The following LYPLAL1 variants were observed in gnomAD, a reference collection of about 807,000 sequenced individuals.
The protein encoded by LYPLAL1 is lysophospholipase like 1, also known as lysophospholipase-like protein 1.
A neutral mutation model predicts 19.7 loss-of-function variants in LYPLAL1; 23 were observed. The ratio of observed to expected loss-of-function variants is 1.17; its 90% CI spans 0.84 to 1.65. The LOEUF (loss-of-function observed/expected upper bound fraction) is 1.65, where lower values mean the gene tolerates loss of function less well. LYPLAL1 is among the 40% of genes most tolerant of loss of function. LYPLAL1 has a pLI of 0.00. For missense variants in LYPLAL1, 355 were observed against 279.4 expected (o/e 1.27, Z -1.93); for synonymous variants, 119 against 96.3 (o/e 1.24, Z -1.38).
the LYPLAL1 span, among the ~76,000 whole-genome samples, chr1:219,359,293 T>C: frequency 2.6e-5 from 4 of 152,224 alleles, no homozygotes; most frequent in Admixed American, 6.5e-5. Flanking sequence ...ATCACTTCAG[T>C]GTTCAACTCT....
rs75076661 is a variant in LYPLAL1 at position 219,192,655 on chromosome 1, A to G, written c.192-427A>G. Among the ~76,000 whole-genome samples, 283 of 151,724 alleles carry G rather than the reference A, an allele frequency of 1.9e-3. 2 individuals are homozygous for G. The South Asian group carries it at 0.023, about 13-fold the overall frequency. On this transcript the variant is annotated intron_variant, in intron 2 of 4. Transcript: ENST00000366928. The stretch of plus-strand genomic sequence containing the variant: ...TTTTTTTTGTTCCCCTTTCATTTAC[A>G]TCTACCAACATAATACTTGAATACA...
chr1:219,305,020 C>T, the LYPLAL1 span, among the ~76,000 whole-genome samples: 2 of 152,322 alleles, frequency 1.3e-5, no homozygotes, highest in South Asian at 4.1e-4. Context: ...AGGACGTCAG[C>T]CAAAGAGTTC....
At chr1:219,395,803 A>G in the LYPLAL1 span, among the ~76,000 whole-genome samples, 1 of 152,042 alleles carries the variant, frequency 6.6e-6, no homozygotes, top group Admixed American at 6.6e-5. Context: ...CATATGGTGT[A>G]AGGAAGGGGT....
chr1:219,273,076 A>T, the LYPLAL1 span: 1 of 152,222 alleles, frequency 6.6e-6, no homozygotes, highest in Admixed American at 6.5e-5. Context: ...TCCATAAAGA[A>T]ATCAAATCTG....
At chr1:219,287,407 T>C in the LYPLAL1 span, among the ~76,000 whole-genome samples, 2 of 152,210 alleles carry the variant, frequency 1.3e-5, no homozygotes, top group African/African-American at 4.8e-5. Flanking sequence ...AAAAAAGATA[T>C]ATGGATGGCA....
chr1:219,196,932 C>T (rs919966375), intron 3 of LYPLAL1, among the ~76,000 whole-genome samples: 1 of 151,508 alleles, frequency 6.6e-6, no homozygotes, highest in Non-Finnish European at 1.5e-5. Flanking sequence ...CTTAGGAATA[C>T]AAAGGACTTC....
the LYPLAL1 span, among the ~76,000 whole-genome samples, chr1:219,298,126 A>G: frequency 9.1e-4 from 139 of 152,266 alleles, no homozygotes; most frequent in Middle Eastern, 3.4e-3. Context: ...CGTGGGTAAC[A>G]TGGCGAAACC....
At chr1:219,434,548 G>T in the LYPLAL1 span, among the ~76,000 whole-genome samples, 1 of 152,190 alleles carries the variant, frequency 6.6e-6, no homozygotes, top group African/African-American at 2.4e-5. Flanking sequence ...CCAAGCTAAT[G>T]CATTTCTATG....
At chr1:219,298,816 T>C in the LYPLAL1 span, among the ~76,000 whole-genome samples, 1 of 152,264 alleles carries the variant, frequency 6.6e-6, no homozygotes, top group African/African-American at 2.4e-5. Flanking sequence ...ATAATAATCT[T>C]TTTTGAAATG....
At chr1:219,266,446 T>C in the LYPLAL1 span, among the ~76,000 whole-genome samples, 3 of 152,176 alleles carry the variant, frequency 2.0e-5, no homozygotes, top group Admixed American at 1.3e-4. Context: ...TTTCCTATGA[T>C]AACAATGCCT....
the LYPLAL1 span, among the ~76,000 whole-genome samples, chr1:219,286,109 C>G: frequency 6.6e-6 from 1 of 152,084 alleles, no homozygotes; most frequent in African/African-American, 2.4e-5. Flanking sequence ...AAATGGCCAC[C>G]AGGTACTGGC....
chr1:219,430,051 C>T, the LYPLAL1 span, among the ~76,000 whole-genome samples: 1 of 152,080 alleles, frequency 6.6e-6, no homozygotes, highest in Non-Finnish European at 1.5e-5. Context: ...CAGAGCACTT[C>T]GGGAGGCCCA....
intron 3 of LYPLAL1, chr1:219,200,425 G>A (rs1246740814): frequency 5.8e-6 from 1 of 172,796 alleles, no homozygotes; most frequent in Non-Finnish European, 1.3e-5. Context: ...ATGGTTTGAG[G>A]TCAGTTCATC....
chr1:219,389,111 A>T, the LYPLAL1 span, among the ~76,000 whole-genome samples: 3 of 152,232 alleles, frequency 2.0e-5, no homozygotes, highest in African/African-American at 7.2e-5. Flanking sequence ...AAAGAATATG[A>T]TTGAAAATAT....
the LYPLAL1 span, among the ~76,000 whole-genome samples, chr1:219,295,756 C>A: frequency 6.6e-6 from 1 of 152,202 alleles, no homozygotes; most frequent in Non-Finnish European, 1.5e-5. Context: ...CATTGTTGCT[C>A]ATCACAAATC....
chr1:219,208,526 T>C (rs1658752845), intron 3 of LYPLAL1, among the ~76,000 whole-genome samples: 1 of 152,096 alleles, frequency 6.6e-6, no homozygotes. Context: ...GTTAAATTTT[T>C]ATTGAGTTAC....
At chr1:219,412,673 T>G in the LYPLAL1 span, among the ~76,000 whole-genome samples, 1 of 152,138 alleles carries the variant, frequency 6.6e-6, no homozygotes, top group Non-Finnish European at 1.5e-5. Flanking sequence ...TAGAACCTCC[T>G]CTAATTGAAA....
intron 3 of LYPLAL1, among the ~76,000 whole-genome samples, chr1:219,207,230 A>T (rs748367239): frequency 4.6e-5 from 7 of 151,918 alleles, no homozygotes; most frequent in Non-Finnish European, 7.4e-5. Flanking sequence ...TGGTGACCAT[A>T]TTTTAACTTT....
At chr1:219,193,810 C>A (rs1238400646) in intron 3 of LYPLAL1, among the ~76,000 whole-genome samples, 2 of 151,660 alleles carry the variant, frequency 1.3e-5, no homozygotes, top group East Asian at 1.9e-4. Context: ...TTATTAAAAT[C>A]TTTTTCTAAT....
Sources: allele counts gnomAD v4.1 joint callset (sites outside exome capture counted in the v4.1 genomes callset), GRCh38; gene constraint gnomAD v4.1.1; transcripts MANE v1.5; gene names NCBI Gene and HGNC (gene_info 2026-07-23, HGNC 2026-07-21).